MAD2L2: variants seen among roughly 807,000 people sequenced by gnomAD.
MAD2L2 encodes mitotic spindle assembly checkpoint protein MAD2B.
Under a neutral mutation model 30.5 loss-of-function variants are expected in MAD2L2, and 17 were observed. That is an observed-to-expected ratio of 0.56 (90% CI 0.38 to 0.84). The LOEUF (loss-of-function observed/expected upper bound fraction) is 0.84, where lower values mean the gene tolerates loss of function less well. MAD2L2 is among the 40% of genes least tolerant of loss of function. The probability of loss-of-function intolerance (pLI) is 0.00; values close to 1 mark genes in which losing one functional copy is unlikely to be tolerated. For synonymous variants in MAD2L2, 101 were observed against 113.9 expected, an observed-to-expected ratio of 0.89 and a Z score of 0.72; for missense variants, 213 against 277.4, an observed-to-expected ratio of 0.77 and a Z score of 1.65.
rs1640971730 is a variant in MAD2L2 at position 11,687,113 on chromosome 1, T to G, written c.-692+4300A>C. On this transcript the variant is annotated intron_variant, in intron 1 of 10. Coordinates refer to the MAD2L2 transcript ENST00000235310. The surrounding 1 kb of genome is among the most constrained non-coding windows in gnomAD (Gnocchi z 4.1). ...CAGGGTCTCACTCTGTCATCTAGGC[T>G]GGAGTGCAGTGACGCAATCACAGCT... Among the ~76,000 whole-genome samples the G allele has an allele frequency of 6.6e-6, 1 of 152,202 alleles. No individual in the cohort carries two copies. The highest frequency in any genetic ancestry group is 1.5e-5 in the Non-Finnish European group (1 of 68,036).
At chr1:11,691,226 C>T (rs1219405520) in intron 1 of MAD2L2, among the ~76,000 whole-genome samples, 3 of 151,974 alleles carry the variant, frequency 2.0e-5, no homozygotes, top group Non-Finnish European at 4.4e-5. Context: ...TGGCCCCGGG[C>T]CCCTGCCCTG....
rs1640995832 is a variant in MAD2L2, at chr1:11,688,187, C to T, written c.-692+3226G>A. On this transcript the variant is annotated intron_variant, in intron 1 of 10. Transcript: ENST00000235310. This position sits in a 1 kb window ranked among gnomAD's most constrained non-coding sequence, Gnocchi z 4.6. The stretch of plus-strand genomic sequence containing the variant: ...CCCTCTCCCAGGCCCAGGTGACCAT[C>T]ATCTCTTCTCTGCCACAGTACTTAG... Among the ~76,000 whole-genome samples, 1 of 152,220 alleles carries T rather than the reference C, an allele frequency of 6.6e-6. No individual in the cohort carries two copies.
At chr1:11,683,035 T>C (rs1438600362), upstream of MAD2L2, among the ~76,000 whole-genome samples, 1 of 152,238 alleles carries the variant, frequency 6.6e-6, no homozygotes, top group Non-Finnish European at 1.5e-5. Context: ...CTCTGGAGGC[T>C]GCTTAAGCAG....
intron 1 of MAD2L2, 23 bp from the exon 2 acceptor site, chr1:11,680,636 A>G (rs375233106): frequency 3.1e-5 from 48 of 1,526,926 alleles, no homozygotes; most frequent in Non-Finnish European, 4.1e-5. Context: ...GCAAGGGCAG[A>G]GGGTAGTTCC....
chr1:11,677,292 G>A (rs1640786500), intron 4 of MAD2L2: 2 of 596,264 alleles, frequency 3.4e-6, no homozygotes, highest in Non-Finnish European at 3.0e-6. Flanking sequence ...ACCCTCTGGG[G>A]CAGCCCCTAC....
Position 11,674,643 on chromosome 1 carries a change from G to T in MAD2L2, c.*132C>A. 2 of 966,270 alleles carry T rather than the reference G, an allele frequency of 2.1e-6. No homozygotes were observed. Among genetic ancestry groups the T allele is most frequent in the Non-Finnish European group, 3.2e-6 (2 of 622,158 alleles). 59.9% of individuals were successfully genotyped at this position (966,270 alleles called of 1,614,324 possible). A position where few individuals can be genotyped will look rare whatever the true frequency, so the allele number is the denominator to read the frequency against. ...CCTCCAAGCAGACCTGAGCGGCCCC[G>T]GGCTGGGGCGGGCGATCCACACACA... On this transcript the variant is annotated 3_prime_UTR_variant, in exon 9 of 9. Coordinates refer to ENST00000376692, the MANE Select transcript of MAD2L2 (RefSeq NM_006341.4). This position sits in a 1 kb window ranked among gnomAD's most constrained non-coding sequence, Gnocchi z 6.1.
rs745600168 is a variant in MAD2L2 at position 11,674,806 on chromosome 1, T to C, written c.605A>G (p.Tyr202Cys). 1 of 1,613,678 alleles carries C rather than the reference T, an allele frequency of 6.2e-7. No individual in the cohort carries two copies. Among genetic ancestry groups the C allele is most frequent in the South Asian group, 1.1e-5 (1 of 91,080 alleles). ...MTSDILKMQLYVEERAHKGS is the reference protein window; with the variant it reads ...MTSDILKMQLCVEERAHKGS ...GCCTTTATGAGCGCGCTCTTCCACG[T>C]AAAGCTGCATCTGACGGACACAAGC... Residue 202 changes from tyrosine to cysteine, a missense_variant, in exon 9 of 9, where the codon TAC (tyrosine) becomes TGC (cysteine). By Grantham distance (194) the Tyr-to-Cys change is radical. Transcript: ENST00000376692. The surrounding 1 kb of genome is among the most constrained non-coding windows in gnomAD (Gnocchi z 6.1).
chr1:11,684,453 G>C (rs545427891), upstream of MAD2L2, among the ~76,000 whole-genome samples: 1 of 152,294 alleles, frequency 6.6e-6, no homozygotes, highest in East Asian at 1.9e-4. Flanking sequence ...GGGGGAGCAA[G>C]AGTTTATTTG....
At chr1:11,677,856 G>A (rs1016731494) in intron 3 of MAD2L2, among the ~76,000 whole-genome samples, 1 of 151,954 alleles carries the variant, frequency 6.6e-6, no homozygotes, top group Admixed American at 6.6e-5. Context: ...TCAGGTATTC[G>A]AGACCAGCCT....
At chr1:11,675,546 C>T in intron 7 of MAD2L2, 112 bp downstream of exon 7, 1 of 1,064,166 alleles carries the variant, frequency 9.4e-7, no homozygotes, top group Non-Finnish European at 1.5e-6. Context: ...GTGCCAGGCG[C>T]TGCCACACCA....
Position 11,676,067 on chromosome 1 carries a change from C to G in MAD2L2, c.406G>C (p.Val136Leu). The G allele has an allele frequency of 1.2e-6, 2 of 1,613,356 alleles. No homozygotes were observed. The highest frequency in any genetic ancestry group is 4.5e-5 in the East Asian group (2 of 44,870). The change falls in exon 6 of 9, where the codon GTC becomes CTC. Residue 136 changes from valine to leucine, a missense_variant. By Grantham distance (32) the Val-to-Leu change is conservative. Coordinates refer to ENST00000376692, the MANE Select transcript of MAD2L2 (RefSeq NM_006341.4). ...FILKISVCDA[V>L]LDHNPPGCTF... ...ACACCTGGGGGGTTGTGGTCCAGGA[C>G]GGCATCGCACACGCTGATCTTCAGG...
chr1:11,687,063 AT>A lies in MAD2L2; in HGVS notation c.-692+4349del, dbSNP rs1011806035. ...GTTCTATGGATTGTCCAATTTTTTT[AT>A]TTTTTTATTTTATTTTTTGGAGACA... On this transcript the variant is annotated intron_variant, in intron 1 of 10. Coordinates refer to the MAD2L2 transcript ENST00000235310. The surrounding 1 kb of genome is among the most constrained non-coding windows in gnomAD (Gnocchi z 4.1). 2.6e-5 allele frequency among the ~76,000 whole-genome samples: 4 copies of A among 151,770 alleles called. No homozygotes were observed. Among genetic ancestry groups the A allele is most frequent in the Non-Finnish European group, 5.9e-5 (4 of 67,954 alleles).
rs1641035685 is a variant in MAD2L2 at position 11,690,199 on chromosome 1, A to G, written c.-692+1214T>C. 6.6e-6 allele frequency among the ~76,000 whole-genome samples: 1 copy of G among 152,124 alleles called. No homozygotes were observed. Among genetic ancestry groups the G allele is most frequent in the African/African-American group, 2.4e-5 (1 of 41,518 alleles). On this transcript the variant is annotated intron_variant, in intron 1 of 10. Transcript: ENST00000235310. This position sits in a 1 kb window ranked among gnomAD's most constrained non-coding sequence, Gnocchi z 4.2. Reference sequence around the variant, plus strand: ...TCTCCTTCACTAGAATCTGAGCTCCATGGGGGCAGGGATTCTTGTCCATGT... The same window carrying G: ...TCTCCTTCACTAGAATCTGAGCTCCGTGGGGGCAGGGATTCTTGTCCATGT...
chr1:11,675,985 C>T (rs757153898), intron 6 of MAD2L2, 61 bp downstream of exon 6: 22 of 1,444,802 alleles, frequency 1.5e-5, no homozygotes, highest in Non-Finnish European at 2.0e-5. Flanking sequence ...CCTGGGAACA[C>T]AGACCAACCC....
intron 1 of MAD2L2, among the ~76,000 whole-genome samples, chr1:11,686,820 A>AC (rs1305578999): frequency 1.3e-5 from 2 of 151,532 alleles, no homozygotes; most frequent in African/African-American, 4.9e-5. Flanking sequence ...AAAAAAAAAA[A>AC]AAAAAAAAAA....
At chr1:11,686,289 G>A (rs1640954484) in intron 1 of MAD2L2, among the ~76,000 whole-genome samples, 3 of 152,192 alleles carry the variant, frequency 2.0e-5, no homozygotes. Flanking sequence ...CTGGACAGCT[G>A]TCCCAGATCC....
intron 3 of MAD2L2, 92 bp from the exon 4 acceptor site, chr1:11,677,706 G>A (rs557890629): frequency 2.0e-5 from 21 of 1,039,518 alleles, no homozygotes; most frequent in African/African-American, 1.6e-4. Context: ...ATCTGCCTTC[G>A]GTCCGAGGCC....
Position 11,674,546 on chromosome 1 carries a change from T to C in MAD2L2, c.*229A>G, listed in dbSNP as rs1292277663. 3 of 549,990 alleles carry C rather than the reference T, an allele frequency of 5.5e-6. No homozygotes were observed. The highest frequency in any genetic ancestry group is 4.1e-5 in the South Asian group (2 of 49,290). The allele number at this position is 549,990 out of a possible 1,614,324, so 34.1% of individuals were successfully genotyped here. On this transcript the variant is annotated 3_prime_UTR_variant, in exon 9 of 9. Coordinates refer to ENST00000376692, the MANE Select transcript of MAD2L2 (RefSeq NM_006341.4). The surrounding 1 kb of genome is among the most constrained non-coding windows in gnomAD (Gnocchi z 6.1). ...GCACAGTATTTGAGACAGACAGTGT[T>C]GGCCGGCGGAACCCCAGGAGGCTGA... is the stretch of plus-strand genomic sequence containing the variant.
intron 1 of MAD2L2, among the ~76,000 whole-genome samples, chr1:11,691,033 A>G (rs1641052491): frequency 6.6e-6 from 1 of 151,962 alleles, no homozygotes; most frequent in South Asian, 2.1e-4. Context: ...GCCCCAGGTG[A>G]GCTGGTAGCA....
Sources: gnomAD v4.1 joint callset for allele counts (sites outside exome capture counted in the v4.1 genomes callset) on GRCh38, gnomAD v4.1.1 for gene constraint, Gnocchi (gnomAD v3.1) non-coding constraint, MANE v1.5 for transcripts, NCBI Gene and HGNC (gene_info 2026-07-23, HGNC 2026-07-21) for gene names.